Variants in ATP8B4 observed in about 807,000 individuals in gnomAD.
ATP8B4 encodes ATPase phospholipid transporting 8B4 (putative).
ATP8B4 carries 133 observed loss-of-function variants against 145.6 expected under a neutral mutation model. The ratio of observed to expected loss-of-function variants is 0.91; its 90% CI spans 0.79 to 1.05. The LOEUF (loss-of-function observed/expected upper bound fraction) is 1.05. Among genes scored for constraint, ATP8B4 ranks in the 50% least tolerant of loss-of-function variants. The pLI is 0.00. For missense variants in ATP8B4, 1,458 were observed against 1,425.2 expected (o/e 1.02, Z -0.37); for synonymous variants, 507 against 492.9 (o/e 1.03, Z -0.38).
Position 50,058,960 on chromosome 15 carries a change from G to GA in ATP8B4, c.88-11497dup, listed in dbSNP as rs34248262. 4.4e-4 allele frequency among the ~76,000 whole-genome samples: 64 copies of GA among 145,506 alleles called. 1 individual carries two copies. The Middle Eastern group carries it at 0.011, about 24-fold the overall frequency. On this transcript the variant is annotated intron_variant, in intron 3 of 27. Transcript: ENST00000284509. Reference sequence around the variant, plus strand: ...CATGGGGCAGGTAGGGGAGGGCAGGGAAAAAAAAAAGAGTTTTAAAGCATC... The same window carrying GA: ...CATGGGGCAGGTAGGGGAGGGCAGGGAAAAAAAAAAAGAGTTTTAAAGCATC...
chr15:50,136,493 G>A (rs192726645), intron 1 of ATP8B4, among the ~76,000 whole-genome samples: 48 of 152,274 alleles, frequency 3.2e-4, no homozygotes, highest in African/African-American at 1.1e-3. Flanking sequence ...CTTAAATGTT[G>A]GGTTGTAAAG....
chr15:49,911,394 C>T (rs545681791), intron 20 of ATP8B4, among the ~76,000 whole-genome samples: 1 of 151,976 alleles, frequency 6.6e-6, no homozygotes, highest in Non-Finnish European at 1.5e-5. Context: ...ATACAAGACA[C>T]TTTAAGCCAA....
intron 20 of ATP8B4, among the ~76,000 whole-genome samples, chr15:49,903,261 G>C (rs1347335307): frequency 6.6e-6 from 1 of 152,190 alleles, no homozygotes. Flanking sequence ...AAGGGAAAAA[G>C]CTACACATAA....
chr15:50,148,026 T>C (rs2044301528), intron 1 of ATP8B4, among the ~76,000 whole-genome samples: 1 of 152,240 alleles, frequency 6.6e-6, no homozygotes, highest in African/African-American at 2.4e-5. Context: ...GCATTTCTAC[T>C]AAGTGATCCA....
intron 1 of ATP8B4, among the ~76,000 whole-genome samples, chr15:50,156,740 T>A (rs1297496001): frequency 1.3e-5 from 2 of 152,194 alleles, no homozygotes; most frequent in East Asian, 3.8e-4. Context: ...TGGATAATAA[T>A]ATAGCTGGCC....
At chr15:50,165,188 T>G (rs1390610563) in intron 1 of ATP8B4, among the ~76,000 whole-genome samples, 1 of 152,122 alleles carries the variant, frequency 6.6e-6, no homozygotes, top group Non-Finnish European at 1.5e-5. Flanking sequence ...TAGCTGGGAT[T>G]ACAGGTACCC....
chr15:50,119,460 G>C (rs775278345), upstream of ATP8B4: 4 of 152,366 alleles, frequency 2.6e-5, no homozygotes, highest in African/African-American at 4.8e-5. Context: ...GAAAAATGCT[G>C]AAAGCCCTGA....
chr15:50,005,489 C>A (rs76699098), intron 7 of ATP8B4, among the ~76,000 whole-genome samples: 5,940 of 152,210 alleles, frequency 0.039, 143 homozygotes, highest in South Asian at 0.095. Context: ...TAGTATTATT[C>A]CCATTGTATG....
At chr15:49,978,714 G>A (rs1267445294) in intron 12 of ATP8B4, among the ~76,000 whole-genome samples, 1 of 146,582 alleles carries the variant, frequency 6.8e-6, no homozygotes, top group Non-Finnish European at 1.5e-5. Context: ...ACAGATTCTA[G>A]GGCCAATTTC....
chr15:50,016,864 G>A (rs1206151926), intron 6 of ATP8B4, among the ~76,000 whole-genome samples: 1 of 152,126 alleles, frequency 6.6e-6, no homozygotes, highest in East Asian at 1.9e-4. Flanking sequence ...TACAAACTGA[G>A]AGCCCATTCC....
At chr15:50,126,266 A>G (rs1176577221) in intron 1 of ATP8B4, among the ~76,000 whole-genome samples, 2 of 151,174 alleles carry the variant, frequency 1.3e-5, no homozygotes, top group Non-Finnish European at 2.9e-5. Context: ...ACACTTCACT[A>G]ATACTGTCAG....
intron 1 of ATP8B4, among the ~76,000 whole-genome samples, chr15:50,177,944 G>T (rs1567421041): frequency 6.6e-6 from 1 of 152,136 alleles, no homozygotes; most frequent in African/African-American, 2.4e-5. Flanking sequence ...AACTTTGAAG[G>T]GGGTAGGGAA....
intron 15 of ATP8B4, among the ~76,000 whole-genome samples, chr15:49,933,246 C>G (rs1370203241): frequency 6.6e-6 from 1 of 151,690 alleles, no homozygotes; most frequent in African/African-American, 2.4e-5. Flanking sequence ...ACAGCACATG[C>G]AATATATTTA....
chr15:49,920,549 A>C, intron 17 of ATP8B4, 139 bp from the exon 18 acceptor site: 6 of 954,742 alleles, frequency 6.3e-6, no homozygotes, highest in South Asian at 1.8e-5. Context: ...CCTTACTCTC[A>C]ACTTTTTAAT....
chr15:49,949,870 G>C (rs1173240135), intron 14 of ATP8B4, among the ~76,000 whole-genome samples: 1 of 152,106 alleles, frequency 6.6e-6, no homozygotes, highest in Non-Finnish European at 1.5e-5. Flanking sequence ...TTAACATTAA[G>C]GGATGTTAAA....
intron 4 of ATP8B4, among the ~76,000 whole-genome samples, chr15:50,045,514 G>C (rs1385220426): frequency 6.6e-6 from 1 of 152,124 alleles, no homozygotes; most frequent in Non-Finnish European, 1.5e-5. Context: ...AGGCAGGAAA[G>C]GATGGGGTAG....
At position 49,876,500 on chromosome 15, in the gene ATP8B4, C is replaced by G. The variant is rs767063942; in HGVS notation, c.2805G>C (p.Val935=). The change falls in exon 25 of 28, where the codon GTG becomes GTC. Residue 935 remains valine, a synonymous_variant. Coordinates refer to ENST00000284509, the MANE Select transcript of ATP8B4 (RefSeq NM_024837.4). ...FDQDVSDQNS[V]DCPQLYKPGQ... ...CTGGTTTGTAGAGCTGGGGACAGTC[C>G]ACGCTGTTCTGGTCACTCACATCCT... 2.5e-6 allele frequency: 4 copies of G among 1,613,904 alleles called. No individual in the cohort carries two copies. In the Admixed American group the frequency reaches 6.7e-5, roughly 27 times the overall value.
chr15:49,861,533 C>G (rs750979297), intron 27 of ATP8B4, among the ~76,000 whole-genome samples: 1 of 151,794 alleles, frequency 6.6e-6, no homozygotes, highest in African/African-American at 2.4e-5. Flanking sequence ...TGGCCTGGTC[C>G]CACTCACCAC....
intron 6 of ATP8B4, among the ~76,000 whole-genome samples, chr15:50,033,492 C>A (rs1038023789): frequency 6.6e-6 from 1 of 152,150 alleles, no homozygotes; most frequent in Non-Finnish European, 1.5e-5. Flanking sequence ...GAAGAATGAA[C>A]AGAGAATCCT....
Sources: gnomAD v4.1 joint callset for allele counts (sites outside exome capture counted in the v4.1 genomes callset) on GRCh38, gnomAD v4.1.1 for gene constraint, MANE v1.5 for transcripts, NCBI Gene and HGNC (gene_info 2026-07-23, HGNC 2026-07-21) for gene names.